The following GSE1 variants were observed in gnomAD, a reference collection of about 807,000 sequenced individuals.
GSE1 encodes the protein Gse1 coiled-coil protein.
GSE1 carries 32 observed loss-of-function variants against 112.6 expected under a neutral mutation model. The observed-to-expected ratio is 0.28, with a 90% CI of 0.21 to 0.38. The LOEUF (loss-of-function observed/expected upper bound fraction) is 0.38, where lower values mean the gene tolerates loss of function less well. Among genes scored for constraint, GSE1 ranks in the 10% least tolerant of loss-of-function variants. GSE1 has a pLI of 1.00. For synonymous variants in GSE1, 1,115 were observed against 735.6 expected, an observed-to-expected ratio of 1.52 and a Z score of -8.35; for missense variants, 2,348 against 1,699.2, an observed-to-expected ratio of 1.38 and a Z score of -6.71.
chr16:85,330,152 G>C (rs2046308604), intron 1 of GSE1, among the ~76,000 whole-genome samples: 1 of 152,210 alleles, frequency 6.6e-6, no homozygotes, highest in Non-Finnish European at 1.5e-5. Flanking sequence ...GGACCCCAGG[G>C]CTCATGTCCT....
chr16:85,359,268 T>C, intron 2 of GSE1: 1 of 398,630 alleles, frequency 2.5e-6, no homozygotes, highest in Non-Finnish European at 5.1e-6. Context: ...CTCCTGGGCC[T>C]GGCGGCTCAC....
intron 2 of GSE1, among the ~76,000 whole-genome samples, chr16:85,379,414 A>G (rs769628262): frequency 1.3e-5 from 2 of 152,152 alleles, no homozygotes; most frequent in Non-Finnish European, 2.9e-5. Flanking sequence ...AAGGGAGAAC[A>G]CAGAGTGGTC....
chr16:85,379,952 G>C (rs1003354668), intron 2 of GSE1, among the ~76,000 whole-genome samples: 10 of 152,228 alleles, frequency 6.6e-5, no homozygotes, highest in Non-Finnish European at 1.5e-4. Context: ...CATCTACCAA[G>C]ACCCTACCCC....
chr16:85,510,823 G>A (rs950743043), intron 2 of GSE1, among the ~76,000 whole-genome samples: 19 of 152,212 alleles, frequency 1.2e-4, no homozygotes, highest in Non-Finnish European at 2.5e-4. Context: ...CATGGCTCCA[G>A]CCTCAGGGCC....
chr16:85,616,344 G>A (rs562906779), intron 1 of GSE1, among the ~76,000 whole-genome samples: 54 of 152,366 alleles, frequency 3.5e-4, no homozygotes, highest in Admixed American at 1.1e-3. Flanking sequence ...AAGCTAGAGG[G>A]CTGGCTGCTA....
At chr16:85,172,206 G>A (rs574608447) in intron 1 of GSE1, among the ~76,000 whole-genome samples, 5 of 152,302 alleles carry the variant, frequency 3.3e-5, no homozygotes, top group Admixed American at 6.5e-5. Flanking sequence ...AGAGGTCTCC[G>A]TGCTCACCCG....
intron 2 of GSE1, among the ~76,000 whole-genome samples, chr16:85,484,813 G>A (rs951774471): frequency 2.0e-5 from 3 of 152,224 alleles, no homozygotes; most frequent in African/African-American, 7.2e-5. Context: ...CTCTTCTGTA[G>A]CCAGCTCCCC....
At chr16:85,332,626 G>T (rs149654226) in intron 1 of GSE1, among the ~76,000 whole-genome samples, 1 of 152,274 alleles carries the variant, frequency 6.6e-6, no homozygotes, top group African/African-American at 2.4e-5. Flanking sequence ...TGCGGACCCT[G>T]CAGGACTCTC....
intron 1 of GSE1, among the ~76,000 whole-genome samples, chr16:85,181,444 G>T (rs933725289): frequency 1.3e-5 from 2 of 152,220 alleles, no homozygotes; most frequent in African/African-American, 4.8e-5. Flanking sequence ...GAGTTCAGGG[G>T]TGCTTCTGGG....
intron 1 of GSE1, among the ~76,000 whole-genome samples, chr16:85,333,832 TC>T (rs1357248202): frequency 6.6e-5 from 10 of 151,644 alleles, no homozygotes; most frequent in African/African-American, 2.4e-4. Flanking sequence ...AGCCTCCTCC[TC>T]CCCCCACAGC....
At chr16:85,420,752 G>A (rs1449437705) in intron 2 of GSE1, among the ~76,000 whole-genome samples, 2 of 152,220 alleles carry the variant, frequency 1.3e-5, no homozygotes, top group Non-Finnish European at 2.9e-5. Flanking sequence ...GGGGAGCCAA[G>A]GGCAGGTGGC....
At chr16:85,461,632 A>C (rs1213163782) in intron 2 of GSE1, among the ~76,000 whole-genome samples, 1 of 152,190 alleles carries the variant, frequency 6.6e-6, no homozygotes, top group Non-Finnish European at 1.5e-5. Context: ...TCGCCTGGGT[A>C]GTGGCTCAAA....
chr16:85,329,320 G>A (rs1047654105), intron 1 of GSE1, among the ~76,000 whole-genome samples: 1 of 152,180 alleles, frequency 6.6e-6, no homozygotes, highest in Admixed American at 6.5e-5. Context: ...CGGAGCACCC[G>A]TGTGCTGTGA....
rs113037397 is a variant in GSE1, at chr16:85,314,176, G to C, written c.2284-43287G>C. Among the ~76,000 whole-genome samples the C allele has an allele frequency of 2.5e-3, 376 of 152,280 alleles. 2 individuals are homozygous for C. Among genetic ancestry groups the C allele is most frequent in the African/African-American group, 8.7e-3 (362 of 41,556 alleles). On this transcript the variant is annotated intron_variant, in intron 1 of 2. Coordinates refer to the GSE1 transcript ENST00000637419. ...TCCCCAGCCTCCCTCCCCTGAGGCA[G>C]TGCCTCACAGAGCCCGGGGAGTGAG... is the stretch of plus-strand genomic sequence containing the variant.
intron 2 of GSE1, among the ~76,000 whole-genome samples, chr16:85,395,759 ATCCCGCCTGCCTCC>A (rs2047950159): frequency 6.6e-6 from 1 of 151,952 alleles, no homozygotes; most frequent in African/African-American, 2.4e-5. Flanking sequence ...CTCCTAAATC[ATCCCGCCTGCCTCC>A]TCCCGCCGGC....
intron 2 of GSE1, among the ~76,000 whole-genome samples, chr16:85,423,686 C>T (rs114261566): frequency 0.018 from 2,687 of 151,946 alleles, 83 homozygotes; most frequent in African/African-American, 0.062. Flanking sequence ...GGGAGTCTTA[C>T]TCCACCAAGC....
In GSE1 at chr16:85,284,011, C is replaced by T. The variant is rs1430197631; in HGVS notation, c.2284-73452C>T. ...TTTCCTCTTGTGAGTAAGATGGGGGCGGGGAGGGAGGCAGGCTGCATGGCC... is the reference window on the plus strand; with the variant it reads ...TTTCCTCTTGTGAGTAAGATGGGGGTGGGGAGGGAGGCAGGCTGCATGGCC... On this transcript the variant is annotated intron_variant, in intron 1 of 2. Transcript: ENST00000637419. 2.6e-5 allele frequency among the ~76,000 whole-genome samples: 4 copies of T among 152,236 alleles called. 1 individual carries two copies. In the South Asian group the frequency reaches 6.2e-4, roughly 24 times the overall value.
intron 2 of GSE1, among the ~76,000 whole-genome samples, chr16:85,472,933 CTATG>C (rs1226064247): frequency 6.6e-6 from 1 of 152,252 alleles, no homozygotes; most frequent in Non-Finnish European, 1.5e-5. Context: ...GAGGCTCACT[CTATG>C]TGTGTCTGCA....
intron 1 of GSE1, among the ~76,000 whole-genome samples, chr16:85,191,134 C>G (rs2074811131): frequency 6.6e-6 from 1 of 152,040 alleles, no homozygotes; most frequent in African/African-American, 2.4e-5. Flanking sequence ...GTGTTGTGTG[C>G]CTGTAATCCC....
Sources: gnomAD v4.1 joint callset for allele counts (sites outside exome capture counted in the v4.1 genomes callset) on GRCh38, gnomAD v4.1.1 for gene constraint, MANE v1.5 for transcripts, NCBI Gene and HGNC (gene_info 2026-07-23, HGNC 2026-07-21) for gene names.